STK3: variants seen among roughly 807,000 people sequenced by gnomAD.
STK3 encodes serine/threonine-protein kinase 3.
A neutral mutation model predicts 58.0 loss-of-function variants in STK3; 41 were observed. The ratio of observed to expected loss-of-function variants is 0.71; its 90% CI spans 0.55 to 0.92. STK3 has a LOEUF of 0.92. STK3 is among the 40% of genes least tolerant of loss of function. The probability of loss-of-function intolerance (pLI) is 0.00; values close to 1 mark genes in which losing one functional copy is unlikely to be tolerated. For synonymous variants in STK3, 170 were observed against 191.0 expected (o/e 0.89, Z 0.91); for missense variants, 479 against 602.7 (o/e 0.79, Z 2.15).
At chr8:98,658,833 T>C (rs1312867025) in intron 6 of STK3, among the ~76,000 whole-genome samples, 3 of 152,084 alleles carry the variant, frequency 2.0e-5, no homozygotes, top group African/African-American at 7.2e-5. Context: ...ATTCCACATG[T>C]CACAGAGTTA....
At chr8:98,383,520 T>C (rs529442781) in intron 1 of STK3, among the ~76,000 whole-genome samples, 261 of 152,320 alleles carry the variant, frequency 1.7e-3, no homozygotes, top group Admixed American at 3.5e-3. Flanking sequence ...CGTGGCCAAA[T>C]GGATTTTTTA....
chr8:98,820,245 AAAT>A (rs1282190068), intron 1 of STK3, among the ~76,000 whole-genome samples: 3 of 152,162 alleles, frequency 2.0e-5, no homozygotes, highest in African/African-American at 4.8e-5. Context: ...ACACTATTAA[AAAT>A]AATAATAAAA....
chr8:98,910,435 A>T (rs1242115608), intron 1 of STK3, among the ~76,000 whole-genome samples: 2 of 152,242 alleles, frequency 1.3e-5, no homozygotes, highest in Non-Finnish European at 2.9e-5. Flanking sequence ...ACATTGGCTG[A>T]AGTTTTTTTC....
intron 1 of STK3, 24 bp from the exon 2 acceptor site, chr8:98,774,843 A>C: frequency 6.6e-7 from 1 of 1,507,536 alleles, no homozygotes. Context: ...GAAAGAAGAA[A>C]GAAAATATTT....
upstream of STK3, among the ~76,000 whole-genome samples, chr8:98,388,596 A>G (rs573811506): frequency 6.6e-6 from 1 of 152,348 alleles, no homozygotes; most frequent in East Asian, 1.9e-4. Flanking sequence ...TATGTAATTG[A>G]TACTATTGGG....
Position 98,715,255 on chromosome 8 carries a change from T to C in STK3, c.352-7944A>G, listed in dbSNP as rs191857108. ...TTCATGTCTAAAACACCAAAAGCAA[T>C]GGCAACGAAAGCCAAAATTGACAAA... On this transcript the variant is annotated intron_variant, in intron 4 of 10. Transcript: ENST00000419617. 6.1e-4 allele frequency among the ~76,000 whole-genome samples: 93 copies of C among 152,206 alleles called. 1 individual carries two copies. In the East Asian group the frequency reaches 0.017, roughly 27 times the overall value.
chr8:98,551,781 C>T (rs1463255730), intron 8 of STK3, among the ~76,000 whole-genome samples: 4 of 152,056 alleles, frequency 2.6e-5, no homozygotes, highest in African/African-American at 4.8e-5. Flanking sequence ...CACCTTTACT[C>T]GCACTGCCCT....
At chr8:98,363,333 C>T in the STK3 span, among the ~76,000 whole-genome samples, 1 of 152,138 alleles carries the variant, frequency 6.6e-6, no homozygotes, top group African/African-American at 2.4e-5. Flanking sequence ...ATGCCCTTCA[C>T]CTGGTGGAAA....
At position 98,596,308 on chromosome 8, in the gene STK3, G is replaced by A. The variant is rs1047651017; in HGVS notation, c.685-139C>T. The A allele has an allele frequency of 1.3e-5, 13 of 970,630 alleles. No individual in the cohort carries two copies. The Admixed American group carries it at 3.9e-4, about 29-fold the overall frequency. The allele number at this position is 970,630 out of a possible 1,614,324, so 60.1% of individuals were successfully genotyped here. A position where few individuals can be genotyped will look rare whatever the true frequency, so the allele number is the denominator to read the frequency against. On this transcript the variant is annotated intron_variant, in intron 6 of 10. Transcript: ENST00000419617. ...CTGTTCTAGGATTTCTAGTAACACTGAAATTCAGGAAGCCAGTCCATCTGC... is the reference window on the plus strand; with the variant it reads ...CTGTTCTAGGATTTCTAGTAACACTAAAATTCAGGAAGCCAGTCCATCTGC...
At chr8:98,440,631 A>G (rs1818657120) in intron 1 of STK3, among the ~76,000 whole-genome samples, 1 of 152,104 alleles carries the variant, frequency 6.6e-6, no homozygotes. Context: ...ATAAATCTTC[A>G]TTAAAATTCT....
At chr8:98,742,959 A>C (rs1235494398) in intron 4 of STK3, among the ~76,000 whole-genome samples, 1 of 152,010 alleles carries the variant, frequency 6.6e-6, no homozygotes, top group Non-Finnish European at 1.5e-5. Flanking sequence ...GAGCCAAATC[A>C]TGAGTGAATT....
the STK3 span, among the ~76,000 whole-genome samples, chr8:98,362,106 T>C: frequency 6.6e-6 from 1 of 152,026 alleles, no homozygotes; most frequent in African/African-American, 2.4e-5. Flanking sequence ...AGAAGGAAGG[T>C]CGGTTAACCA....
intron 8 of STK3, among the ~76,000 whole-genome samples, chr8:98,563,960 G>A (rs1053808295): frequency 6.6e-6 from 1 of 152,040 alleles, no homozygotes; most frequent in African/African-American, 2.4e-5. Flanking sequence ...TCTTAAATGT[G>A]AGCTGTGTAC....
At chr8:98,898,096 GAGA>G (rs1240847390) in intron 1 of STK3, among the ~76,000 whole-genome samples, 1 of 152,182 alleles carries the variant, frequency 6.6e-6, no homozygotes, top group East Asian at 1.9e-4. Context: ...GGTTTGCTAG[GAGA>G]AGAAGCACTC....
intron 8 of STK3, among the ~76,000 whole-genome samples, chr8:98,552,455 T>C (rs748263776): frequency 1.3e-5 from 2 of 152,134 alleles, no homozygotes; most frequent in Non-Finnish European, 2.9e-5. Flanking sequence ...ATCACATTCC[T>C]TCTTGCTCAC....
intron 4 of STK3, among the ~76,000 whole-genome samples, chr8:98,714,244 G>C (rs547030290): frequency 3.3e-5 from 5 of 152,072 alleles, no homozygotes; most frequent in African/African-American, 1.2e-4. Flanking sequence ...CTCTCTCACC[G>C]CTCCTATTCA....
At chr8:98,458,422 T>C (rs1219993648) in intron 10 of STK3, among the ~76,000 whole-genome samples, 1 of 152,206 alleles carries the variant, frequency 6.6e-6, no homozygotes, top group Non-Finnish European at 1.5e-5. Context: ...AGGTAATTTA[T>C]TGCTATTACT....
chr8:98,489,458 G>A (rs1407771693), intron 10 of STK3, among the ~76,000 whole-genome samples: 1 of 151,838 alleles, frequency 6.6e-6, no homozygotes, highest in Admixed American at 6.6e-5. Context: ...TTTTGTTGTT[G>A]TGCAGTAACT....
At chr8:98,684,146 A>G (rs1045780215) in intron 6 of STK3, among the ~76,000 whole-genome samples, 1 of 152,162 alleles carries the variant, frequency 6.6e-6, no homozygotes. Context: ...GTAAAAAATA[A>G]CTGTTTTTCA....
Sources: allele counts gnomAD v4.1 joint callset (sites outside exome capture counted in the v4.1 genomes callset), GRCh38; gene constraint gnomAD v4.1.1; transcripts MANE v1.5; gene names NCBI Gene and HGNC (gene_info 2026-07-23, HGNC 2026-07-21).